Variants in ABTB3 observed in about 807,000 individuals in gnomAD.
ABTB3 encodes ankyrin repeat- and BTB/POZ domain-containing protein 3.
the ABTB3 span, among the ~76,000 whole-genome samples, chr12:107,586,164 C>A: frequency 0.11 from 16,756 of 152,158 alleles, 1,062 homozygotes; most frequent in African/African-American, 0.15. Flanking sequence ...GGGACAGGGT[C>A]ATGCTCCTGC....
chr12:107,401,284 C>T, the ABTB3 span, among the ~76,000 whole-genome samples: 12 of 152,308 alleles, frequency 7.9e-5, no homozygotes, highest in Admixed American at 7.2e-4. Flanking sequence ...TTACGTAACC[C>T]CAGCAGCCAG....
the ABTB3 span, among the ~76,000 whole-genome samples, chr12:107,405,182 C>T: frequency 1.3e-5 from 2 of 152,202 alleles, no homozygotes; most frequent in African/African-American, 4.8e-5. Flanking sequence ...GTACACTGCT[C>T]AGCTCTAGAG....
At chr12:107,469,926 C>T in the ABTB3 span, among the ~76,000 whole-genome samples, 161 of 98,800 alleles carry the variant, frequency 1.6e-3, 6 homozygotes, top group East Asian at 6.1e-3. Context: ...TTCTTTCTCT[C>T]TCTCTCTCTT....
the ABTB3 span, among the ~76,000 whole-genome samples, chr12:107,385,734 A>ATG: frequency 6.6e-6 from 1 of 152,170 alleles, no homozygotes; most frequent in Non-Finnish European, 1.5e-5. Flanking sequence ...GGGGCCCAAC[A>ATG]GCTACGTGCA....
chr12:107,490,578 G>T, the ABTB3 span, among the ~76,000 whole-genome samples: 3 of 152,082 alleles, frequency 2.0e-5, no homozygotes, highest in Admixed American at 1.3e-4. Flanking sequence ...CTAGGAATCC[G>T]ACTGGAACAA....
At chr12:107,483,710 C>T in the ABTB3 span, among the ~76,000 whole-genome samples, 1 of 151,986 alleles carries the variant, frequency 6.6e-6, no homozygotes, top group Non-Finnish European at 1.5e-5. Context: ...TTTTTAGAGA[C>T]AGTTCTCACT....
At chr12:107,347,218 C>T in the ABTB3 span, among the ~76,000 whole-genome samples, 6 of 152,100 alleles carry the variant, frequency 3.9e-5, no homozygotes, top group East Asian at 1.2e-3. Context: ...TACATTCAGC[C>T]AAATTTTATT....
At chr12:107,382,875 G>A in the ABTB3 span, among the ~76,000 whole-genome samples, 20 of 152,192 alleles carry the variant, frequency 1.3e-4, no homozygotes, top group Non-Finnish European at 2.1e-4. Context: ...AAACCTGCAT[G>A]TTCTGCACGT....
At chr12:107,618,269 C>T in the ABTB3 span, 20 of 1,613,562 alleles carry the variant, frequency 1.2e-5, no homozygotes, top group South Asian at 2.0e-4. Context: ...CCCCGCCCCC[C>T]TTGTGCGCCA....
chr12:107,639,146 C>G, the ABTB3 span, among the ~76,000 whole-genome samples: 1 of 152,204 alleles, frequency 6.6e-6, no homozygotes, highest in Admixed American at 6.5e-5. Context: ...GGTAAAGGAA[C>G]AGTGTGTGCA....
At chr12:107,595,913 A>G in the ABTB3 span, among the ~76,000 whole-genome samples, 6 of 152,044 alleles carry the variant, frequency 3.9e-5, no homozygotes, top group Non-Finnish European at 8.8e-5. Flanking sequence ...TTCACATATA[A>G]ATAGGTAATA....
At chr12:107,564,088 CTCTGTGTG>C in the ABTB3 span, among the ~76,000 whole-genome samples, 1,488 of 138,048 alleles carry the variant, frequency 0.011, 18 homozygotes, top group African/African-American at 0.016. Context: ...CTATCTATCT[CTCTGTGTG>C]TGTGTGTGTG....
chr12:107,492,275 C>A, the ABTB3 span, among the ~76,000 whole-genome samples: 1 of 152,060 alleles, frequency 6.6e-6, no homozygotes, highest in African/African-American at 2.4e-5. Flanking sequence ...CTGACTGGAA[C>A]CCCCTAATAA....
the ABTB3 span, among the ~76,000 whole-genome samples, chr12:107,632,756 G>A: frequency 1.3e-5 from 2 of 152,312 alleles, no homozygotes; most frequent in South Asian, 4.1e-4. Flanking sequence ...GGGGCTTTGG[G>A]GAAGAATTGC....
At chr12:107,648,380 CCACACA>C in the ABTB3 span, among the ~76,000 whole-genome samples, 51 of 140,198 alleles carry the variant, frequency 3.6e-4, no homozygotes, top group Middle Eastern at 3.5e-3. Context: ...GACCCCATCT[CCACACA>C]CACACACACA....
the ABTB3 span, among the ~76,000 whole-genome samples, chr12:107,404,271 CAG>C: frequency 0.016 from 2,442 of 148,248 alleles, 72 homozygotes; most frequent in African/African-American, 0.056. Flanking sequence ...ATGAAGAAAA[CAG>C]AGTTGATAGC....
chr12:107,334,639 G>C, the ABTB3 span, among the ~76,000 whole-genome samples: 1 of 152,130 alleles, frequency 6.6e-6, no homozygotes, highest in Non-Finnish European at 1.5e-5. Context: ...TCAGGAGAGA[G>C]GATGGTTTGG....
the ABTB3 span, among the ~76,000 whole-genome samples, chr12:107,579,808 C>T: frequency 6.6e-6 from 1 of 152,200 alleles, no homozygotes; most frequent in Non-Finnish European, 1.5e-5. Context: ...CAGGGAACCC[C>T]ACTGGCTTCA....
the ABTB3 span, among the ~76,000 whole-genome samples, chr12:107,607,675 G>C: frequency 6.6e-6 from 1 of 152,160 alleles, no homozygotes; most frequent in African/African-American, 2.4e-5. Flanking sequence ...CTTGGAGTCC[G>C]TCTGCGTCCC....
Sources: allele counts gnomAD v4.1 joint callset (sites outside exome capture counted in the v4.1 genomes callset), GRCh38; gene constraint gnomAD v4.1.1; transcripts MANE v1.5; gene names NCBI Gene and HGNC (gene_info 2026-07-23, HGNC 2026-07-21).